Variants in RGL1 observed in about 807,000 individuals in gnomAD.
The protein encoded by RGL1 is ral guanine nucleotide dissociation stimulator-like 1.
In RGL1, 24 loss-of-function variants were observed where a neutral mutation model predicts 95.2. The ratio of observed to expected loss-of-function variants is 0.25; its 90% CI spans 0.18 to 0.35. The LOEUF is 0.35. Ranked by LOEUF, RGL1 falls within the 10% of genes least tolerant of loss-of-function variation. The pLI, the probability that RGL1 is intolerant of heterozygous loss-of-function variation, is 1.00. For missense variants in RGL1, 715 were observed against 936.3 expected, an observed-to-expected ratio of 0.76 and a Z score of 3.08; for synonymous variants, 329 against 344.9, an observed-to-expected ratio of 0.95 and a Z score of 0.51.
chr1:183,888,575 A>G lies in RGL1; in HGVS notation c.1053A>G (p.Pro351=), dbSNP rs1359062621. ...YRLKKTWAAV[P]RDRMLMFEEL... ...TAAAAAAGACTTGGGCTGCCGTCCC[A>G]AGGTAAGTTCCCAAGTGTTTGCTCT... The change falls in exon 8 of 18, where the codon CCA becomes CCG. Residue 351 remains proline, a splice_region_variant and synonymous_variant. Coordinates refer to ENST00000360851, the MANE Select transcript of RGL1 (RefSeq NM_001297671.3). 1.2e-6 allele frequency: 2 copies of G among 1,602,276 alleles called. No homozygotes were observed. The highest frequency in any genetic ancestry group is 3.3e-5 in the Admixed American group (2 of 60,002).
chr1:183,694,391 A>G (rs532294977), intron 1 of RGL1, among the ~76,000 whole-genome samples: 1 of 152,286 alleles, frequency 6.6e-6, no homozygotes, highest in Non-Finnish European at 1.5e-5. Flanking sequence ...TTCTTGACCC[A>G]TATTCTTTAC....
chr1:183,897,754 T>C (rs1667785673), intron 9 of RGL1, 54 bp from the exon 10 acceptor site: 1 of 1,350,612 alleles, frequency 7.4e-7, no homozygotes. Context: ...TCTTTACTTC[T>C]TACCATTGTG....
chr1:183,765,570 C>T (rs1658921200), intron 2 of RGL1, among the ~76,000 whole-genome samples: 1 of 152,222 alleles, frequency 6.6e-6, no homozygotes, highest in African/African-American at 2.4e-5. Context: ...GCAATCAGCT[C>T]TTGTTCTGCT....
intron 1 of RGL1, chr1:183,653,121 G>A (rs1191236791): frequency 6.6e-6 from 1 of 152,002 alleles, no homozygotes; most frequent in Non-Finnish European, 1.5e-5. Context: ...TAGAAGAGAT[G>A]GTCCATTTCC....
rs944711464 is a variant in RGL1 at position 183,815,978 on chromosome 1, C to T, written c.138+9493C>T. ...CAGGTTGCTTAAGAAACAGTATTAGCAAGGTTTTAGGACATGTCATTAACA... is the reference window on the plus strand; with the variant it reads ...CAGGTTGCTTAAGAAACAGTATTAGTAAGGTTTTAGGACATGTCATTAACA... On this transcript the variant is annotated intron_variant, in intron 2 of 17. Transcript: ENST00000360851. Among the ~76,000 whole-genome samples, 5 of 152,052 alleles carry T rather than the reference C, an allele frequency of 3.3e-5. No homozygotes were observed. The East Asian group carries it at 9.6e-4, about 29-fold the overall frequency.
chr1:183,851,282 A>G (rs1039593038), intron 3 of RGL1, among the ~76,000 whole-genome samples: 1 of 152,208 alleles, frequency 6.6e-6, no homozygotes, highest in Non-Finnish European at 1.5e-5. Flanking sequence ...CAAGTACTCA[A>G]TGCCTACACA....
chr1:183,643,886 A>T (rs1650112060), intron 1 of RGL1, among the ~76,000 whole-genome samples: 1 of 152,210 alleles, frequency 6.6e-6, no homozygotes, highest in Non-Finnish European at 1.5e-5. Context: ...TGGGTCCCAG[A>T]TTTAGTACAT....
At chr1:183,868,407 T>C (rs1452231775) in intron 4 of RGL1, among the ~76,000 whole-genome samples, 1 of 152,178 alleles carries the variant, frequency 6.6e-6, no homozygotes, top group East Asian at 1.9e-4. Context: ...TTTTTCAGAA[T>C]GGGTTAGACA....
chr1:183,829,979 G>C (rs1663149601), intron 2 of RGL1, among the ~76,000 whole-genome samples: 1 of 152,124 alleles, frequency 6.6e-6, no homozygotes, highest in Non-Finnish European at 1.5e-5. Flanking sequence ...TTCTCTGCTT[G>C]AATGTTGGCT....
At position 183,916,498 on chromosome 1, in the gene RGL1, T is replaced by C; in HGVS notation, c.1801T>C (p.Ser601Pro). Residue 601 changes from serine (S) to proline (P), a missense_variant, in exon 16 of 18, where the codon TCC becomes CCC. Ser to Pro is a moderately conservative substitution (Grantham distance 74). Coordinates refer to ENST00000360851, the MANE Select transcript of RGL1 (RefSeq NM_001297671.3). ...CSSIHSMDTN[S>P]SGMSSLINPL... ...TTCTATCCATTCCATGGACACAAAT[T>C]CCTCAGGGATGTCTTCCTTAATCAA... 1 of 1,613,806 alleles carries C rather than the reference T, an allele frequency of 6.2e-7. No individual in the cohort carries two copies. Among genetic ancestry groups the C allele is most frequent in the Non-Finnish European group, 8.5e-7 (1 of 1,179,974 alleles).
chr1:183,884,917 G>T lies in RGL1; in HGVS notation c.930G>T (p.Glu310Asp), dbSNP rs758274967. Residue 310 changes from glutamate (E) to aspartate (D), a missense_variant, in exon 7 of 18, where the codon GAG becomes GAT. This residue lies in a region of RGL1 where 381 missense variants were observed against 484.8 expected (regional missense o/e 0.79). Transcript: ENST00000360851. ...CTCAGCAGAGAGCCAAAATCATTGA[G>T]AAGTGGATCAACATCGCTCATGTAA... ...LKTQQRAKII[E>D]KWINIAHECR... The T allele has an allele frequency of 4.3e-6, 7 of 1,614,012 alleles. No homozygotes were observed. The South Asian group carries it at 4.4e-5, about 10-fold the overall frequency.
intron 2 of RGL1, among the ~76,000 whole-genome samples, chr1:183,820,630 A>G (rs1479503029): frequency 6.6e-6 from 1 of 152,152 alleles, no homozygotes; most frequent in Non-Finnish European, 1.5e-5. Flanking sequence ...TGTGCTGTTC[A>G]ATATGGTAAC....
At chr1:183,898,947 A>G (rs1447118412) in intron 10 of RGL1, among the ~76,000 whole-genome samples, 1 of 152,186 alleles carries the variant, frequency 6.6e-6, no homozygotes, top group Non-Finnish European at 1.5e-5. Flanking sequence ...GAGATTTAGG[A>G]TAAGGGATCC....
chr1:183,836,991 C>T (rs933520906), intron 2 of RGL1, among the ~76,000 whole-genome samples: 1 of 152,104 alleles, frequency 6.6e-6, no homozygotes, highest in Admixed American at 6.6e-5. Context: ...ACAGTGGGAA[C>T]TAAATGTTCC....
chr1:183,795,347 A>G (rs1045730721), intron 2 of RGL1, among the ~76,000 whole-genome samples: 1 of 152,266 alleles, frequency 6.6e-6, no homozygotes, highest in Admixed American at 6.5e-5. Context: ...GACATTTATC[A>G]AATAATCATA....
At chr1:183,815,571 A>G (rs1254194977) in intron 2 of RGL1, among the ~76,000 whole-genome samples, 4 of 152,194 alleles carry the variant, frequency 2.6e-5, no homozygotes, top group Non-Finnish European at 5.9e-5. Flanking sequence ...GGGTATGTTC[A>G]GCAGGAGCCC....
chr1:183,815,434 T>A (rs1027864278), intron 2 of RGL1, among the ~76,000 whole-genome samples: 1 of 152,180 alleles, frequency 6.6e-6, no homozygotes, highest in South Asian at 2.1e-4. Context: ...TCTAAAGACA[T>A]GACACAATAA....
At position 183,797,361 on chromosome 1, in the gene RGL1, A is replaced by G. The variant is rs113200122; in HGVS notation, c.133-9014A>G. 1.0e-3 allele frequency among the ~76,000 whole-genome samples: 153 copies of G among 152,284 alleles called. 1 individual carries two copies. Among genetic ancestry groups the G allele is most frequent in the African/African-American group, 3.5e-3 (146 of 41,550 alleles). ...AATTATTGCCAACAATTGGTAAACT[A>G]TTAGTTGAAAAATGTTTGCCATCAT... On this transcript the variant is annotated intron_variant, in intron 2 of 18. Transcript: ENST00000304685.
intron 1 of RGL1, among the ~76,000 whole-genome samples, chr1:183,692,285 G>A (rs998899225): frequency 1.1e-4 from 17 of 152,222 alleles, no homozygotes; most frequent in African/African-American, 3.6e-4. Flanking sequence ...GCCGAAGGCT[G>A]GAGGTTGGCC....
Sources: allele counts gnomAD v4.1 joint callset (sites outside exome capture counted in the v4.1 genomes callset), GRCh38; gene constraint gnomAD v4.1.1; regional missense constraint gnomAD v4.1.1; transcripts MANE v1.5; gene names NCBI Gene and HGNC (gene_info 2026-07-23, HGNC 2026-07-21).